NDST3: variants seen among roughly 807,000 people sequenced by gnomAD.
The protein encoded by NDST3 is bifunctional heparan sulfate N-deacetylase/N-sulfotransferase 3.
Under a neutral mutation model 96.1 loss-of-function variants are expected in NDST3, and 58 were observed. The observed-to-expected ratio is 0.60, with a 90% CI of 0.49 to 0.75. The LOEUF (loss-of-function observed/expected upper bound fraction) is 0.75, where lower values mean the gene tolerates loss of function less well. Among genes scored for constraint, NDST3 ranks in the 30% least tolerant of loss-of-function variants. NDST3 has a pLI of 0.00. For missense variants in NDST3, 788 were observed against 1,034.2 expected (o/e 0.76, Z 3.27); for synonymous variants, 333 against 359.7 (o/e 0.93, Z 0.84).
chr4:118,236,887 C>T (rs758255984), intron 9 of NDST3, among the ~76,000 whole-genome samples, 159 bp from the exon 10 acceptor site: 3 of 152,130 alleles, frequency 2.0e-5, no homozygotes, highest in Non-Finnish European at 4.4e-5. Flanking sequence ...TATTAGTGTT[C>T]TAGATATTTT....
intron 6 of NDST3, among the ~76,000 whole-genome samples, chr4:118,186,041 A>G (rs1736931725): frequency 6.6e-6 from 1 of 152,174 alleles, no homozygotes. Context: ...AGAAACAAGC[A>G]CTTCAGGTTA....
At chr4:118,099,226 G>T (rs1004418098) in intron 2 of NDST3, among the ~76,000 whole-genome samples, 3 of 152,036 alleles carry the variant, frequency 2.0e-5, no homozygotes, top group African/African-American at 7.2e-5. Context: ...AGAGTCCTAA[G>T]TCACTCGGAT....
At chr4:118,148,120 A>G (rs761062135) in intron 6 of NDST3, among the ~76,000 whole-genome samples, 44 of 152,138 alleles carry the variant, frequency 2.9e-4, no homozygotes, top group Non-Finnish European at 5.3e-4. Flanking sequence ...AACACGGTGA[A>G]ACCCTGTCTC....
At chr4:118,193,464 T>A in intron 6 of NDST3, 1 of 750,514 alleles carries the variant, frequency 1.3e-6, no homozygotes, top group Non-Finnish European at 2.2e-6. Flanking sequence ...TGCTCCTCCA[T>A]CTCTGTGTCA....
At chr4:118,133,435 C>T (rs764087229) in intron 4 of NDST3, among the ~76,000 whole-genome samples, 6 of 152,124 alleles carry the variant, frequency 3.9e-5, no homozygotes, top group African/African-American at 7.2e-5. Context: ...TGGCCACTGC[C>T]GGGAGATAGG....
At chr4:118,225,325 T>C (rs1455335154) in intron 7 of NDST3, among the ~76,000 whole-genome samples, 1 of 152,204 alleles carries the variant, frequency 6.6e-6, no homozygotes, top group East Asian at 1.9e-4. Flanking sequence ...GAATTTAAAT[T>C]GTCCACTCCA....
At position 118,053,940 on chromosome 4, in the gene NDST3, C is replaced by T. The variant is rs1413844553; in HGVS notation, c.30C>T (p.His10=). Residue 10 remains histidine (H), a synonymous_variant, in exon 2 of 14, where the codon CAC becomes CAT. Coordinates refer to ENST00000296499, the MANE Select transcript of NDST3 (RefSeq NM_004784.3). Reference sequence around the variant, plus strand: ...GTTTTATCATGAAGCTTCACAGACACTTTCAAAGAACAGTCATTCTGCTTG... The same window carrying T: ...GTTTTATCATGAAGCTTCACAGACATTTTCAAAGAACAGTCATTCTGCTTG... MSFIMKLHR[H]FQRTVILLAT... is the part of the protein sequence containing the mutation. 7 of 1,609,340 alleles carry T rather than the reference C, an allele frequency of 4.3e-6. No homozygotes were observed. In the Admixed American group the frequency reaches 1.0e-4, roughly 23 times the overall value.
rs1742130950 is a variant in NDST3, at chr4:118,256,505, A to G, written c.*793A>G. 1 of 152,192 alleles carries G rather than the reference A, an allele frequency of 6.6e-6. No individual in the cohort carries two copies. The highest frequency in any genetic ancestry group is 2.4e-5 in the African/African-American group (1 of 41,454). 9.4% of individuals were successfully genotyped at this position (152,192 alleles called of 1,614,324 possible). A position where few individuals can be genotyped will look rare whatever the true frequency, so the allele number is the denominator to read the frequency against. Reference sequence around the variant, plus strand: ...GTAAAGTGTACTGACTGAATCCTCTAAAAGGGAGAAATTGTAGGGGTCTAA... The same window carrying G: ...GTAAAGTGTACTGACTGAATCCTCTGAAAGGGAGAAATTGTAGGGGTCTAA... On this transcript the variant is annotated 3_prime_UTR_variant, in exon 14 of 14. Transcript: ENST00000296499.
intron 4 of NDST3, among the ~76,000 whole-genome samples, chr4:118,129,914 T>TGTTATATATATCACTATATAA (rs1732464720): frequency 6.6e-6 from 1 of 152,094 alleles, no homozygotes; most frequent in South Asian, 2.1e-4. Context: ...TATTACGGGG[T>TGTTATATATATCACTATATAA]TGACTCCTTT....
intron 2 of NDST3, among the ~76,000 whole-genome samples, chr4:118,064,136 C>T (rs897746295): frequency 5.3e-5 from 8 of 152,150 alleles, no homozygotes; most frequent in Admixed American, 4.6e-4. Flanking sequence ...CCTTCTGGCG[C>T]TCAATCAATT....
In NDST3 at chr4:118,193,597, C is replaced by A. The variant is rs1737461095; in HGVS notation, c.1540-30894C>A. 4 of 1,197,464 alleles carry A rather than the reference C, an allele frequency of 3.3e-6. No homozygotes were observed. In the South Asian group the frequency reaches 4.8e-5, roughly 14 times the overall value. 74.2% of individuals were successfully genotyped at this position (1,197,464 alleles called of 1,614,324 possible). A position where few individuals can be genotyped will look rare whatever the true frequency, so the allele number is the denominator to read the frequency against. On this transcript the variant is annotated intron_variant, in intron 6 of 13. Transcript: ENST00000296499. The stretch of plus-strand genomic sequence containing the variant: ...GCTGCCTGCAGATCTGCTGCTGGCA[C>A]ACAGCCAGCTGGGCCTTGGCGGCTT...
chr4:118,209,866 C>G (rs1040354495), intron 6 of NDST3, among the ~76,000 whole-genome samples: 7 of 152,068 alleles, frequency 4.6e-5, no homozygotes, highest in Admixed American at 6.6e-5. Context: ...GACTAAGGCA[C>G]GAGCCAGGTA....
At position 118,195,894 on chromosome 4, in the gene NDST3, G is replaced by A. The variant is rs574047336; in HGVS notation, c.1540-28597G>A. Among the ~76,000 whole-genome samples, 50 of 152,298 alleles carry A rather than the reference G, an allele frequency of 3.3e-4. 4 individuals are homozygous for A. The South Asian group carries it at 0.01, about 32-fold the overall frequency. ...ACTTCTAGTACTATGTTGAATAACA[G>A]TGGTGAAAGTGGGCATCCTTGTCAT... On this transcript the variant is annotated intron_variant, in intron 6 of 13. Transcript: ENST00000296499.
chr4:118,105,952 G>A (rs1008352378), intron 3 of NDST3, among the ~76,000 whole-genome samples: 3 of 152,160 alleles, frequency 2.0e-5, no homozygotes, highest in African/African-American at 7.2e-5. Context: ...CTGTTGCTCT[G>A]TATGCTTGCC....
At chr4:118,054,953 C>A in intron 2 of NDST3, 62 bp downstream of exon 2, 4 of 1,591,666 alleles carry the variant, frequency 2.5e-6, no homozygotes, top group Non-Finnish European at 3.4e-6. Context: ...ATACAACTAT[C>A]CCAGTTTGTA....
chr4:118,152,881 G>A (rs1450676381), intron 6 of NDST3, among the ~76,000 whole-genome samples: 3 of 152,142 alleles, frequency 2.0e-5, no homozygotes, highest in African/African-American at 7.2e-5. Flanking sequence ...TTCTCAGGTC[G>A]AATTTCCAAG....
chr4:118,118,092 A>C (rs1043422715), intron 4 of NDST3, among the ~76,000 whole-genome samples: 3 of 152,212 alleles, frequency 2.0e-5, no homozygotes, highest in African/African-American at 7.2e-5. Flanking sequence ...AATCCACTTT[A>C]ATTCAATGAA....
chr4:118,076,442 A>C (rs947563420), intron 2 of NDST3, among the ~76,000 whole-genome samples: 3 of 145,692 alleles, frequency 2.1e-5, no homozygotes, highest in African/African-American at 5.0e-5. Flanking sequence ...CGAGTCACAG[A>C]TGTGGTCTCT....
intron 6 of NDST3, among the ~76,000 whole-genome samples, chr4:118,207,146 TACACACACACACACACACACACAC>T (rs67300451): frequency 1.6e-5 from 2 of 128,784 alleles, no homozygotes; most frequent in African/African-American, 6.1e-5. Flanking sequence ...TCTGGAAGAA[TACACACACACACACACACACACAC>T]ACACACACAC....
Sources: gnomAD v4.1 joint callset for allele counts (sites outside exome capture counted in the v4.1 genomes callset) on GRCh38, gnomAD v4.1.1 for gene constraint, MANE v1.5 for transcripts, NCBI Gene and HGNC (gene_info 2026-07-23, HGNC 2026-07-21) for gene names.